Variants in PPM1M observed in about 807,000 individuals in gnomAD.
The protein encoded by PPM1M is protein phosphatase, Mg2+/Mn2+ dependent 1M.
A neutral mutation model predicts 50.8 loss-of-function variants in PPM1M; 44 were observed. The observed-to-expected ratio is 0.87, with a 90% CI of 0.68 to 1.11. The LOEUF (loss-of-function observed/expected upper bound fraction) is 1.11. PPM1M is among the 50% of genes most tolerant of loss of function. The probability of loss-of-function intolerance (pLI) is 0.00; values close to 1 mark genes in which losing one functional copy is unlikely to be tolerated. For missense variants in PPM1M, 556 were observed against 593.4 expected (o/e 0.94, Z 0.66); for synonymous variants, 224 against 242.9 (o/e 0.92, Z 0.72).
rs932560913 is a variant in PPM1M, at chr3:52,246,007, C to T, written c.183C>T (p.Pro61=). The change falls in exon 1 of 10, where the codon CCC becomes CCT. Residue 61 remains proline (P), a synonymous_variant. Coordinates refer to ENST00000323588, the MANE Select transcript of PPM1M (RefSeq NM_144641.4). The part of the protein sequence containing the change: ...RRPDSRPVRS[P]ARGRTLPWNA... Reference sequence around the variant, plus strand: ...CAGACTCCCGGCCCGTGCGCAGCCCCGCACGAGGACGCACGCTACCCTGGA... The same window carrying T: ...CAGACTCCCGGCCCGTGCGCAGCCCTGCACGAGGACGCACGCTACCCTGGA... 1.6e-6 allele frequency: 2 copies of T among 1,229,022 alleles called. No homozygotes were observed. Among genetic ancestry groups the T allele is most frequent in the Admixed American group, 2.9e-5 (1 of 33,954 alleles). The allele number at this position is 1,229,022 out of a possible 1,614,324, so 76.1% of individuals were successfully genotyped here.
At position 52,247,171 on chromosome 3, in the gene PPM1M, G is replaced by A; in HGVS notation, c.540G>A (p.Lys180=). The change falls in exon 3 of 10, where the codon AAG becomes AAA. Residue 180 remains lysine (K), a synonymous_variant. Coordinates refer to ENST00000323588, the MANE Select transcript of PPM1M (RefSeq NM_144641.4). ...CPSDPQFVEE[K]GIRAEDLVIG... ...GTGACCCTCAGTTTGTGGAGGAAAA[G>A]GGCATCAGGGCAGAAGACTTGGTGA... 1.2e-6 allele frequency: 2 copies of A among 1,613,350 alleles called. No individual in the cohort carries two copies. The highest frequency in any genetic ancestry group is 1.7e-4 in the Middle Eastern group (1 of 6,060).
chr3:52,249,812 T>A lies in PPM1M; in HGVS notation c.1378T>A (p.Ter460ArgextTer11). 2 of 1,612,394 alleles carry A rather than the reference T, an allele frequency of 1.2e-6. No homozygotes were observed. Among genetic ancestry groups the A allele is most frequent in the Non-Finnish European group, 8.5e-7 (1 of 1,179,256 alleles). Reference sequence around the variant, plus strand: ...TCAGGGCCAAGAGAGCAGTGACCACTGAGGATTCAGACACTGTATCCCAGA... The same window carrying A: ...TCAGGGCCAAGAGAGCAGTGACCACAGAGGATTCAGACACTGTATCCCAGA... The part of the protein sequence containing the change: ...HSQGQESSDH[*>R] The change falls in exon 10 of 10, where the codon TGA becomes AGA. Residue 460 changes from the stop codon to arginine, a stop_lost. Coordinates refer to ENST00000323588, the MANE Select transcript of PPM1M (RefSeq NM_144641.4).
chr3:52,248,543 G>A, intron 6 of PPM1M, 90 bp downstream of exon 6: 1 of 1,587,250 alleles, frequency 6.3e-7, no homozygotes, highest in Non-Finnish European at 8.7e-7. Flanking sequence ...CCTTGGCAGG[G>A]TGGCACTGTG....
rs1324998000 is a variant in PPM1M at position 52,250,396 on chromosome 3, AAAGTTTGGGGT to A, written c.*584_*594del. ...GAGATGAGGAACAGGTGCTGGGGCT[AAAGTTTGGGGT>A]AGAGCACAAGGGACAAGAGGAACTC... is the stretch of plus-strand genomic sequence containing the variant. On this transcript the variant is annotated 3_prime_UTR_variant, in exon 10 of 10. Coordinates refer to ENST00000323588, the MANE Select transcript of PPM1M (RefSeq NM_144641.4). 1 of 155,382 alleles carries A rather than the reference AAAGTTTGGGGT, an allele frequency of 6.4e-6. No individual in the cohort carries two copies. The highest frequency in any genetic ancestry group is 1.9e-4 in the East Asian group (1 of 5,274). 9.6% of individuals were successfully genotyped at this position (155,382 alleles called of 1,614,324 possible).
At position 52,245,870 on chromosome 3, in the gene PPM1M, C is replaced by T. The variant is rs1354591008; in HGVS notation, c.46C>T (p.Leu16Phe). ...FRRRFLPGEP[L>F]PAPRPPGPHA... ...GCGCCGCTTCCTGCCTGGGGAGCCG[C>T]TCCCCGCGCCGCGGCCGCCTGGGCC... Residue 16 changes from leucine to phenylalanine, a missense_variant, in exon 1 of 10, where the codon CTC (leucine) becomes TTC (phenylalanine). Physicochemically the swap from Leu to Phe is conservative, Grantham distance 22. Transcript: ENST00000323588. This position sits in a 1 kb window ranked among gnomAD's most constrained non-coding sequence, Gnocchi z 4.8. The T allele has an allele frequency of 4.6e-6, 5 of 1,096,776 alleles. No individual in the cohort carries two copies. The African/African-American group carries it at 6.8e-5, about 15-fold the overall frequency. The allele number at this position is 1,096,776 out of a possible 1,614,324, so 67.9% of individuals were successfully genotyped here. A position where few individuals can be genotyped will look rare whatever the true frequency, so the allele number is the denominator to read the frequency against.
intron 3 of PPM1M, 21 bp downstream of exon 3, chr3:52,247,249 TGG>T: frequency 1.9e-6 from 3 of 1,595,032 alleles, no homozygotes; most frequent in Non-Finnish European, 1.7e-6. Flanking sequence ...GGCTTTTGGC[TGG>T]GGAAGAAGTG....
In PPM1M at chr3:52,248,234, GC is replaced by G. The variant is rs1699896242; in HGVS notation, c.793del (p.Leu265TrpfsTer22). On this transcript the variant is annotated frameshift_variant and splice_region_variant, in exon 5 of 10. Transcript: ENST00000323588. LOFTEE classifies it high-confidence loss of function. Reference sequence around the variant, plus strand: ...AGACTGAGCGGCAGCGGATCCAGCAGCTGGTAGGTGCCCTTGGCAGCATGGA... The same window carrying G: ...AGACTGAGCGGCAGCGGATCCAGCAGTGGTAGGTGCCCTTGGCAGCATGGA... ...PETERQRIQQ[L>X]AFVYPELLAG... is the part of the protein sequence containing the mutation. 6.2e-6 allele frequency: 10 copies of G among 1,612,836 alleles called. No individual in the cohort carries two copies. In the East Asian group the frequency reaches 2.0e-4, roughly 32 times the overall value.
rs566105915 is a variant in PPM1M at position 52,250,158 on chromosome 3, G to A, written c.*344G>A. On this transcript the variant is annotated 3_prime_UTR_variant, in exon 10 of 10. Coordinates refer to ENST00000323588, the MANE Select transcript of PPM1M (RefSeq NM_144641.4). ...TCAGATAGGGGCACCCAAGCTAAGG[G>A]TATTAGCCAAAGATGCCAGGATGGG... 13 of 227,682 alleles carry A rather than the reference G, an allele frequency of 5.7e-5. No individual in the cohort carries two copies. The highest frequency in any genetic ancestry group is 9.9e-5 in the Non-Finnish European group (11 of 110,700). 14.1% of individuals were successfully genotyped at this position (227,682 alleles called of 1,614,324 possible).
rs1444208234 is a variant in PPM1M, at chr3:52,245,816, C to T, written c.-9C>T. 19 of 1,023,938 alleles carry T rather than the reference C, an allele frequency of 1.9e-5. No homozygotes were observed. Among genetic ancestry groups the T allele is most frequent in the Non-Finnish European group, 2.0e-5 (17 of 856,290 alleles). 63.4% of individuals were successfully genotyped at this position (1,023,938 alleles called of 1,614,324 possible). A position where few individuals can be genotyped will look rare whatever the true frequency, so the allele number is the denominator to read the frequency against. ...CCGCGCTCCGCGGGCAGCCCCCTGC[C>T]GCCGCGCCATGTCCGCCGGCTGGTT... On this transcript the variant is annotated 5_prime_UTR_variant, in exon 1 of 10. Transcript: ENST00000323588. The surrounding 1 kb of genome is among the most constrained non-coding windows in gnomAD (Gnocchi z 4.8).
chr3:52,246,521 A>G (rs1699858855), intron 1 of PPM1M, 174 bp from the exon 2 acceptor site: 1 of 490,546 alleles, frequency 2.0e-6, no homozygotes, highest in South Asian at 2.0e-5. Context: ...CTTAGCCATG[A>G]GGCCAGTGAA....
At position 52,248,366 on chromosome 3, in the gene PPM1M, A is replaced by T; in HGVS notation, c.827A>T (p.Glu276Val). 1 of 1,613,376 alleles carries T rather than the reference A, an allele frequency of 6.2e-7. No individual in the cohort carries two copies. The highest frequency in any genetic ancestry group is 8.5e-7 in the Non-Finnish European group (1 of 1,179,648). Residue 276 changes from glutamate (E) to valine (V), a missense_variant, in exon 6 of 10, where the codon GAG becomes GTG. Physicochemically the swap from Glu to Val is moderately radical, Grantham distance 121 (BLOSUM62 -2). Coordinates refer to ENST00000323588, the MANE Select transcript of PPM1M (RefSeq NM_144641.4). ...GTCTATCCTGAGCTTCTGGCTGGTG[A>T]GTTCACCCGACTGGAGTTCCCTCGG... The part of the protein sequence containing the change: ...AFVYPELLAG[E>V]FTRLEFPRRL...
rs771105089 is a variant in PPM1M, at chr3:52,248,103, G to A, written c.711-50G>A. ...GGGACTGGTAGGAGGGTGGCCATGG[G>A]TGAGGGTGGAGGCCTCCTCCTAGAC... On this transcript the variant is annotated intron_variant, in intron 4 of 9. Coordinates refer to ENST00000323588, the MANE Select transcript of PPM1M (RefSeq NM_144641.4). The A allele has an allele frequency of 1.0e-4, 158 of 1,511,438 alleles. No homozygotes were observed. In the Middle Eastern group the frequency reaches 2.7e-3, roughly 26 times the overall value. 93.6% of individuals were successfully genotyped at this position (1,511,438 alleles called of 1,614,324 possible).
At chr3:52,249,614 C>T in intron 9 of PPM1M, 56 bp from the exon 10 acceptor site, 4 of 1,606,276 alleles carry the variant, frequency 2.5e-6, no homozygotes, top group Non-Finnish European at 3.4e-6. Flanking sequence ...CTCCTAAGGT[C>T]TGGCCTTGCC....
At chr3:52,249,492 T>A in intron 9 of PPM1M, 170 bp downstream of exon 9, 1 of 1,264,240 alleles carries the variant, frequency 7.9e-7, no homozygotes. Context: ...CGAAAATCCC[T>A]GGATTTAGAC....
chr3:52,248,367 G>A lies in PPM1M; in HGVS notation c.828G>A (p.Glu276=), dbSNP rs2107318900. The change falls in exon 6 of 10, where the codon GAG becomes GAA. Residue 276 remains glutamate (E), a synonymous_variant. Transcript: ENST00000323588. The part of the protein sequence containing the change: ...AFVYPELLAG[E]FTRLEFPRRL... ...TCTATCCTGAGCTTCTGGCTGGTGA[G>A]TTCACCCGACTGGAGTTCCCTCGGC... 6.2e-7 allele frequency: 1 copy of A among 1,613,514 alleles called. No individual in the cohort carries two copies. Among genetic ancestry groups the A allele is most frequent in the East Asian group, 2.2e-5 (1 of 44,870 alleles).
At position 52,247,775 on chromosome 3, in the gene PPM1M, G is replaced by A; in HGVS notation, c.691G>A (p.Ala231Thr). The A allele has an allele frequency of 1.4e-6, 2 of 1,458,662 alleles. No homozygotes were observed. The highest frequency in any genetic ancestry group is 1.8e-6 in the Non-Finnish European group (2 of 1,084,328). 90.4% of individuals were successfully genotyped at this position (1,458,662 alleles called of 1,614,324 possible). A position where few individuals can be genotyped will look rare whatever the true frequency, so the allele number is the denominator to read the frequency against. The change falls in exon 4 of 10, where the codon GCC (alanine) becomes ACC (threonine). Residue 231 changes from alanine (A) to threonine (T), a missense_variant. By Grantham distance (58) the Ala-to-Thr change is moderately conservative. Coordinates refer to ENST00000323588, the MANE Select transcript of PPM1M (RefSeq NM_144641.4). ...AVSLQGKLYM[A>T]NAGDSRAILV... ...GTCCCTGCAGGGAAAGCTGTACATG[G>A]CCAATGCTGGGGATAGCAGGTGAGT...
At chr3:52,249,609 A>T (rs1559449035) in intron 9 of PPM1M, 61 bp from the exon 10 acceptor site, 1 of 1,603,108 alleles carries the variant, frequency 6.2e-7, no homozygotes. Flanking sequence ...GAGTTCTCCT[A>T]AGGTCTGGCC....
rs770082926 is a variant in PPM1M at position 52,248,119 on chromosome 3, C to T, written c.711-34C>T. 3.2e-6 allele frequency: 5 copies of T among 1,563,282 alleles called. No individual in the cohort carries two copies. In the South Asian group the frequency reaches 5.8e-5, roughly 18 times the overall value. ...TGGCCATGGGTGAGGGTGGAGGCCTCCTCCTAGACCTCTCCCTTCTCTCCT... is the reference window on the plus strand; with the variant it reads ...TGGCCATGGGTGAGGGTGGAGGCCTTCTCCTAGACCTCTCCCTTCTCTCCT... On this transcript the variant is annotated intron_variant, in intron 4 of 9. Coordinates refer to ENST00000323588, the MANE Select transcript of PPM1M (RefSeq NM_144641.4).
At chr3:52,246,849 G>A (rs1559446560) in intron 2 of PPM1M, 37 bp downstream of exon 2, 3 of 1,470,182 alleles carry the variant, frequency 2.0e-6, no homozygotes, top group Non-Finnish European at 2.7e-6. Context: ...GAATCCCTCC[G>A]ACAGGCTGGG....
Sources: allele counts gnomAD v4.1 joint callset, GRCh38; gene constraint gnomAD v4.1.1; non-coding constraint Gnocchi (gnomAD v3.1); transcripts MANE v1.5; gene names NCBI Gene and HGNC (gene_info 2026-07-23, HGNC 2026-07-21).